Variants in NR5A2 observed in about 807,000 individuals in gnomAD.
NR5A2 encodes the protein CYP7A promoter-binding factor.
In NR5A2, 26 loss-of-function variants were observed where a neutral mutation model predicts 62.7. That is an observed-to-expected ratio of 0.41 (90% CI 0.30 to 0.58). The LOEUF (loss-of-function observed/expected upper bound fraction) is 0.58, where lower values mean the gene tolerates loss of function less well. NR5A2 is among the 20% of genes least tolerant of loss of function. The probability of loss-of-function intolerance (pLI) is 0.22; values close to 1 mark genes in which losing one functional copy is unlikely to be tolerated. For synonymous variants in NR5A2, 246 were observed against 241.7 expected (o/e 1.02, Z -0.16); for missense variants, 541 against 669.1 (o/e 0.81, Z 2.11).
intron 1 of NR5A2, among the ~76,000 whole-genome samples, chr1:200,032,435 C>T (rs1256961507): frequency 6.6e-6 from 1 of 151,398 alleles, no homozygotes; most frequent in Non-Finnish European, 1.5e-5. Flanking sequence ...TGGAGTGTAA[C>T]TTTTAAACAC....
intron 7 of NR5A2, among the ~76,000 whole-genome samples, chr1:200,124,914 A>G (rs1357034368): frequency 6.6e-6 from 1 of 152,228 alleles, no homozygotes; most frequent in Non-Finnish European, 1.5e-5. Flanking sequence ...AAAATTAAAA[A>G]ATAAAAATAA....
intron 7 of NR5A2, among the ~76,000 whole-genome samples, chr1:200,136,736 T>G (rs1049081142): frequency 6.6e-6 from 1 of 152,210 alleles, no homozygotes; most frequent in African/African-American, 2.4e-5. Flanking sequence ...TAACCCATTC[T>G]AAATCTGATC....
intron 6 of NR5A2, among the ~76,000 whole-genome samples, chr1:200,120,289 A>G (rs1397421482): frequency 6.6e-6 from 1 of 152,170 alleles, no homozygotes; most frequent in East Asian, 1.9e-4. Flanking sequence ...TTAATATTGT[A>G]TATACATAGA....
intron 7 of NR5A2, among the ~76,000 whole-genome samples, chr1:200,141,889 C>T (rs900176814): frequency 6.6e-6 from 1 of 152,118 alleles, no homozygotes; most frequent in Non-Finnish European, 1.5e-5. Context: ...TTGCCAGTGT[C>T]TTATATACTT....
chr1:200,056,539 G>C (rs1320315280), intron 5 of NR5A2, among the ~76,000 whole-genome samples: 2 of 152,070 alleles, frequency 1.3e-5, no homozygotes, highest in African/African-American at 4.8e-5. Context: ...TTTGTCCTTA[G>C]AGTTTTTTTT....
At chr1:200,028,920 A>G in intron 1 of NR5A2, 1 of 269,472 alleles carries the variant, frequency 3.7e-6, no homozygotes, top group East Asian at 1.7e-4. Context: ...TGGGCCAACT[A>G]CACCCTAAAG....
intron 5 of NR5A2, among the ~76,000 whole-genome samples, chr1:200,073,082 T>C (rs1345253805): frequency 6.6e-6 from 1 of 151,928 alleles, no homozygotes; most frequent in African/African-American, 2.4e-5. Flanking sequence ...TTAACTTATT[T>C]GGTTACTATT....
At chr1:200,099,551 C>G (rs895427365) in intron 5 of NR5A2, among the ~76,000 whole-genome samples, 25 of 152,124 alleles carry the variant, frequency 1.6e-4, no homozygotes, top group African/African-American at 6.0e-4. Context: ...GCCATAATCA[C>G]TGATATCCAG....
chr1:200,159,767 C>G (rs1005153514), intron 7 of NR5A2, among the ~76,000 whole-genome samples: 1 of 151,888 alleles, frequency 6.6e-6, no homozygotes, highest in Non-Finnish European at 1.5e-5. Context: ...TTCTCATGCC[C>G]TAGCCTTCCA....
chr1:200,070,318 C>G (rs771649041), intron 5 of NR5A2, among the ~76,000 whole-genome samples: 1 of 152,096 alleles, frequency 6.6e-6, no homozygotes, highest in Non-Finnish European at 1.5e-5. Context: ...CCTAGCAAAT[C>G]TTATAAGCCA....
chr1:200,087,403 CT>C (rs35219936), intron 5 of NR5A2, among the ~76,000 whole-genome samples: 4 of 151,148 alleles, frequency 2.6e-5, no homozygotes, highest in Admixed American at 2.0e-4. Context: ...CTTTATTTCC[CT>C]TTTTTTTTGA....
intron 7 of NR5A2, among the ~76,000 whole-genome samples, chr1:200,173,390 G>A (rs1425742068): frequency 2.0e-5 from 3 of 152,188 alleles, no homozygotes; most frequent in Admixed American, 1.3e-4. Context: ...TCCCAGTAGC[G>A]AATATTCTGT....
chr1:200,130,947 C>CT (rs1666945818), intron 7 of NR5A2, among the ~76,000 whole-genome samples: 1 of 152,186 alleles, frequency 6.6e-6, no homozygotes, highest in Non-Finnish European at 1.5e-5. Flanking sequence ...CAGTGTTTAC[C>CT]TTTTCATATG....
chr1:200,069,628 CTG>C (rs1457342788), intron 5 of NR5A2, among the ~76,000 whole-genome samples: 2 of 152,158 alleles, frequency 1.3e-5, no homozygotes, highest in African/African-American at 2.4e-5. Context: ...AATTAGGAAA[CTG>C]TGGGGTTTCC....
intron 7 of NR5A2, among the ~76,000 whole-genome samples, chr1:200,136,684 A>C (rs1667236917): frequency 6.6e-6 from 1 of 152,184 alleles, no homozygotes; most frequent in Non-Finnish European, 1.5e-5. Context: ...AAGTATGTAG[A>C]TCAGAAGGCA....
chr1:200,069,634 G>A (rs558112385), intron 5 of NR5A2, among the ~76,000 whole-genome samples: 2 of 152,206 alleles, frequency 1.3e-5, no homozygotes, highest in African/African-American at 2.4e-5. Flanking sequence ...GAAACTGTGG[G>A]GTTTCCTATG....
At chr1:200,130,750 T>C (rs2102327893) in intron 7 of NR5A2, among the ~76,000 whole-genome samples, 1 of 152,220 alleles carries the variant, frequency 6.6e-6, no homozygotes, top group East Asian at 1.9e-4. Flanking sequence ...GCTTTATTGC[T>C]GGCTTCCTCT....
At chr1:200,145,724 C>A (rs1667671684) in intron 7 of NR5A2, among the ~76,000 whole-genome samples, 1 of 152,114 alleles carries the variant, frequency 6.6e-6, no homozygotes, top group African/African-American at 2.4e-5. Flanking sequence ...AACCCCTGAG[C>A]TCAGGCAATC....
chr1:200,075,471 C>T (rs1663981928), intron 5 of NR5A2, among the ~76,000 whole-genome samples: 1 of 152,186 alleles, frequency 6.6e-6, no homozygotes, highest in Non-Finnish European at 1.5e-5. Context: ...TTTGCTTCAG[C>T]AATATGCAAA....
Sources: allele counts gnomAD v4.1 joint callset (sites outside exome capture counted in the v4.1 genomes callset), GRCh38; gene constraint gnomAD v4.1.1; transcripts MANE v1.5; gene names NCBI Gene and HGNC (gene_info 2026-07-23, HGNC 2026-07-21).